The following ADK variants were observed in gnomAD, a reference collection of about 807,000 sequenced individuals.
ADK encodes adenosine kinase.
In ADK, 24 loss-of-function variants were observed where a neutral mutation model predicts 44.7. That is an observed-to-expected ratio of 0.54 (90% confidence interval 0.39 to 0.76). ADK has a LOEUF of 0.76. ADK is among the 30% of genes least tolerant of loss of function. ADK has a pLI of 0.00. For missense variants in ADK, 321 were observed against 425.1 expected (o/e 0.76, Z 2.15); for synonymous variants, 128 against 142.6 (o/e 0.90, Z 0.73).
intron 3 of ADK, among the ~76,000 whole-genome samples, chr10:74,311,899 G>A (rs1032107023): frequency 2.0e-5 from 3 of 152,150 alleles, no homozygotes; most frequent in Admixed American, 1.3e-4. Context: ...TGGGCATGGT[G>A]GCTCACACCT....
rs192292650 is a variant in ADK at position 74,548,793 on chromosome 10, A to G, written c.726+23367A>G. Among the ~76,000 whole-genome samples, 13 of 152,350 alleles carry G rather than the reference A, an allele frequency of 8.5e-5. No homozygotes were observed. In the East Asian group the frequency reaches 2.1e-3, roughly 25 times the overall value. The stretch of plus-strand genomic sequence containing the variant: ...ACAATCTGTACACTGTAGTCACTCA[A>G]TAAATATTTGTTGAACGAGTAAATG... On this transcript the variant is annotated intron_variant, in intron 7 of 10. Transcript: ENST00000539909.
chr10:74,425,446 C>T (rs1263979096), intron 6 of ADK, among the ~76,000 whole-genome samples: 2 of 152,078 alleles, frequency 1.3e-5, no homozygotes, highest in Middle Eastern at 3.4e-3. Context: ...TTAATGTACC[C>T]TAGAATTTAT....
intron 7 of ADK, chr10:74,528,303 A>G (rs1849139864): frequency 4.7e-6 from 1 of 210,854 alleles, no homozygotes; most frequent in Non-Finnish European, 9.3e-6. Flanking sequence ...AAAACTTAAA[A>G]AAAAAGCTCA....
At chr10:74,427,910 A>G (rs1038271097) in intron 6 of ADK, among the ~76,000 whole-genome samples, 1 of 152,150 alleles carries the variant, frequency 6.6e-6, no homozygotes, top group South Asian at 2.1e-4. Context: ...TTATTCTTTC[A>G]TAGTTCAGGC....
At chr10:74,413,968 G>A (rs1003921389) in intron 6 of ADK, among the ~76,000 whole-genome samples, 1 of 152,186 alleles carries the variant, frequency 6.6e-6, no homozygotes, top group African/African-American at 2.4e-5. Context: ...GTAATGGCCA[G>A]CTGGTAGAGC....
At chr10:74,260,318 G>A (rs993666723) in intron 3 of ADK, among the ~76,000 whole-genome samples, 7 of 152,190 alleles carry the variant, frequency 4.6e-5, no homozygotes, top group Non-Finnish European at 1.0e-4. Context: ...TCACCAGGTT[G>A]GAGTACATTG....
intron 1 of ADK, among the ~76,000 whole-genome samples, chr10:74,189,585 A>G (rs531487674): frequency 5.3e-5 from 8 of 152,230 alleles, no homozygotes; most frequent in Non-Finnish European, 7.3e-5. Context: ...GTTTGTTACT[A>G]TATAACTGAG....
At chr10:74,472,094 A>G (rs766722770) in intron 6 of ADK, among the ~76,000 whole-genome samples, 42 of 151,954 alleles carry the variant, frequency 2.8e-4, no homozygotes, top group South Asian at 6.2e-4. Flanking sequence ...AGTCCTACAT[A>G]CTTGGAAGGC....
chr10:74,643,130 C>A (rs1392103317), intron 9 of ADK, among the ~76,000 whole-genome samples: 1 of 152,110 alleles, frequency 6.6e-6, no homozygotes, highest in Non-Finnish European at 1.5e-5. Context: ...GCATGACTCA[C>A]CATGCTTAGC....
intron 6 of ADK, among the ~76,000 whole-genome samples, chr10:74,468,984 T>C (rs545361928): frequency 6.6e-6 from 1 of 151,948 alleles, no homozygotes; most frequent in South Asian, 2.1e-4. Context: ...TGTGTGTGTG[T>C]GAGAGAGAGA....
chr10:74,250,053 A>G (rs1166931736), intron 3 of ADK, among the ~76,000 whole-genome samples: 1 of 152,172 alleles, frequency 6.6e-6, no homozygotes, highest in Admixed American at 6.5e-5. Context: ...CTCCCTATTC[A>G]TCCATTTACC....
intron 9 of ADK, among the ~76,000 whole-genome samples, chr10:74,650,082 T>C (rs1207626788): frequency 2.2e-4 from 34 of 152,192 alleles, no homozygotes; most frequent in Admixed American, 2.2e-3. Context: ...GAACATGGGC[T>C]TTCCTCCTTC....
chr10:74,359,876 C>T (rs1842275640), intron 4 of ADK, among the ~76,000 whole-genome samples: 1 of 151,586 alleles, frequency 6.6e-6, no homozygotes, highest in Non-Finnish European at 1.5e-5. Context: ...AAATTTATTT[C>T]CTGGTTATTT....
chr10:74,670,349 C>T, intron 10 of ADK, 80 bp downstream of exon 10: 1 of 1,029,818 alleles, frequency 9.7e-7, no homozygotes. Flanking sequence ...AAGATTTATT[C>T]ATTTAGTAAC....
intron 1 of ADK, among the ~76,000 whole-genome samples, chr10:74,192,517 C>T (rs1293239190): frequency 6.7e-6 from 1 of 149,322 alleles, no homozygotes; most frequent in Non-Finnish European, 1.5e-5. Context: ...TGAGCCACTG[C>T]ACCTGGCCCA....
intron 6 of ADK, among the ~76,000 whole-genome samples, chr10:74,456,787 A>C (rs1360387062): frequency 2.0e-5 from 3 of 152,150 alleles, no homozygotes; most frequent in Non-Finnish European, 4.4e-5. Context: ...ACCATTGAGA[A>C]CAAAGACACA....
At chr10:74,432,410 C>T (rs186151337) in intron 6 of ADK, among the ~76,000 whole-genome samples, 82 of 152,112 alleles carry the variant, frequency 5.4e-4, no homozygotes, top group Non-Finnish European at 9.6e-4. Flanking sequence ...ATTGATCATC[C>T]TTGTATTGGC....
At chr10:74,225,993 T>C (rs1844520756) in intron 3 of ADK, among the ~76,000 whole-genome samples, 1 of 152,212 alleles carries the variant, frequency 6.6e-6, no homozygotes, top group Non-Finnish European at 1.5e-5. Flanking sequence ...AAAGAATATG[T>C]TATTTAATAT....
intron 3 of ADK, among the ~76,000 whole-genome samples, chr10:74,262,969 T>G (rs1846092544): frequency 1.3e-5 from 2 of 152,282 alleles, no homozygotes; most frequent in Middle Eastern, 6.8e-3. Context: ...TCCTCTGAAT[T>G]CTTCAATTGT....
Sources: allele counts gnomAD v4.1 joint callset (sites outside exome capture counted in the v4.1 genomes callset), GRCh38; gene constraint gnomAD v4.1.1; transcripts MANE v1.5; gene names NCBI Gene and HGNC (gene_info 2026-07-23, HGNC 2026-07-21).